Variants in CNOT9 observed in about 807,000 individuals in gnomAD.
The protein encoded by CNOT9 is CCR4-NOT transcription complex subunit 9.
In CNOT9, 8 loss-of-function variants were observed where a neutral mutation model predicts 37.4. That is an observed-to-expected ratio of 0.21 (90% CI 0.13 to 0.39). CNOT9 has a LOEUF of 0.39. Among genes scored for constraint, CNOT9 ranks in the 10% least tolerant of loss-of-function variants. The pLI is 1.00. For synonymous variants in CNOT9, 120 were observed against 137.6 expected, an observed-to-expected ratio of 0.87 and a Z score of 0.90; for missense variants, 154 against 365.3, an observed-to-expected ratio of 0.42 and a Z score of 4.71.
At chr2:218,570,945 C>T (rs1012938164) in intron 1 of CNOT9, among the ~76,000 whole-genome samples, 5 of 152,202 alleles carry the variant, frequency 3.3e-5, no homozygotes, top group Non-Finnish European at 7.3e-5. Flanking sequence ...ACCACTCATT[C>T]ACTAGGTTAT....
chr2:218,569,046 C>T lies in CNOT9; in HGVS notation c.24+68C>T, dbSNP rs1693841410. 4 of 1,565,068 alleles carry T rather than the reference C, an allele frequency of 2.6e-6. No homozygotes were observed. The South Asian group carries it at 4.5e-5, about 18-fold the overall frequency. ...CAGACCCACGTTTCGGCCTTCTCTC[C>T]TAATTCCCGGTGTCGGGTCCCTAGT... On this transcript the variant is annotated intron_variant, in intron 1 of 7. Coordinates refer to ENST00000273064, the MANE Select transcript of CNOT9 (RefSeq NM_005444.3).
At chr2:218,585,220 C>CT (rs1271426317) in intron 4 of CNOT9, among the ~76,000 whole-genome samples, 4 of 117,644 alleles carry the variant, frequency 3.4e-5, no homozygotes, top group South Asian at 3.3e-4. Context: ...ACACCACTGT[C>CT]TTTTTTTGTT....
Position 218,568,881 on chromosome 2 carries a change from G to T in CNOT9, c.-74G>T. 1 of 1,534,282 alleles carries T rather than the reference G, an allele frequency of 6.5e-7. No individual in the cohort carries two copies. Among genetic ancestry groups the T allele is most frequent in the Non-Finnish European group, 8.8e-7 (1 of 1,132,150 alleles). ...CGGCTACGGCGGCTCATTGTTTTCC[G>T]CTGCAGGGGTGCTGAAGGGGGGACG... On this transcript the variant is annotated 5_prime_UTR_variant, in exon 1 of 8. Coordinates refer to ENST00000273064, the MANE Select transcript of CNOT9 (RefSeq NM_005444.3).
chr2:218,572,800 T>C (rs1694041617), intron 1 of CNOT9: 1 of 516,112 alleles, frequency 1.9e-6, no homozygotes, highest in African/African-American at 2.1e-5. Flanking sequence ...AACACTTGTC[T>C]TTCTCTCACT....
At chr2:218,570,908 C>T (rs1374122153) in intron 1 of CNOT9, among the ~76,000 whole-genome samples, 1 of 152,216 alleles carries the variant, frequency 6.6e-6, no homozygotes, top group South Asian at 2.1e-4. Context: ...GTTTGGACCT[C>T]GTAGCAGCTC....
Position 218,571,075 on chromosome 2 carries a change from A to G in CNOT9, c.24+2097A>G, listed in dbSNP as rs554796771. ...GTGGGTAAAGGGACAGTAATGATGC[A>G]TATCACTCACTGGAATTTGAGAAGC... On this transcript the variant is annotated intron_variant, in intron 1 of 7. Transcript: ENST00000273064. Among the ~76,000 whole-genome samples, 4 of 152,370 alleles carry G rather than the reference A, an allele frequency of 2.6e-5. No homozygotes were observed. The South Asian group carries it at 8.3e-4, about 32-fold the overall frequency.
intron 3 of CNOT9, 102 bp downstream of exon 3, chr2:218,583,188 A>T: frequency 1.9e-6 from 1 of 519,546 alleles, no homozygotes; most frequent in Non-Finnish European, 3.2e-6. Flanking sequence ...AGAGAGAGAG[A>T]ACGTTTGTGT....
Position 218,594,265 on chromosome 2 carries a change from C to T in CNOT9, c.889C>T (p.Pro297Ser). 6.2e-7 allele frequency: 1 copy of T among 1,610,094 alleles called. No individual in the cohort carries two copies. Among genetic ancestry groups the T allele is most frequent in the Non-Finnish European group, 8.5e-7 (1 of 1,177,874 alleles). The change falls in exon 8 of 8, where the codon CCC (proline) becomes TCC (serine). Residue 297 changes from proline (P) to serine (S), a missense_variant. Pro to Ser is a moderately conservative substitution (Grantham distance 74). Transcript: ENST00000273064. The stretch of plus-strand genomic sequence containing the variant: ...CACCGATCCCCGGGGTATCCCCCTG[C>T]CCCCTCAGTGATCCTTCCCTGTTCC... ...QVTDPRGIPL[P>S]PQ is the part of the protein sequence containing the mutation.
intron 1 of CNOT9, among the ~76,000 whole-genome samples, chr2:218,580,166 G>T (rs774045795): frequency 6.6e-6 from 1 of 151,628 alleles, no homozygotes; most frequent in Non-Finnish European, 1.5e-5. Context: ...ACGGGGTTTC[G>T]CCATGTTGGC....
At chr2:218,591,253 T>C (rs978681031) in intron 5 of CNOT9, among the ~76,000 whole-genome samples, 2 of 152,140 alleles carry the variant, frequency 1.3e-5, no homozygotes, top group Non-Finnish European at 2.9e-5. Context: ...AGAAAGAGTA[T>C]CATTATCGTG....
chr2:218,596,045 C>T lies in CNOT9; in HGVS notation c.*1769C>T, dbSNP rs551866048. The T allele has an allele frequency of 4.7e-4, 71 of 152,218 alleles. No homozygotes were observed. The highest frequency in any genetic ancestry group is 1.6e-3 in the African/African-American group (67 of 41,516). The allele number at this position is 152,218 out of a possible 1,614,324, so 9.4% of individuals were successfully genotyped here. On this transcript the variant is annotated 3_prime_UTR_variant, in exon 8 of 8. Coordinates refer to ENST00000273064, the MANE Select transcript of CNOT9 (RefSeq NM_005444.3). The stretch of plus-strand genomic sequence containing the variant: ...ATAGACATCTTGACTCTATTCAGCC[C>T]GTAGTCTGTGATCTGGAGAGTCCAG...
rs577915072 is a variant in CNOT9, at chr2:218,592,763, C to T, written c.731+56C>T. On this transcript the variant is annotated intron_variant, in intron 7 of 7. Transcript: ENST00000273064. This position sits in a 1 kb window ranked among gnomAD's most constrained non-coding sequence, Gnocchi z 4.1. ...GGGAAATACTCTGCTGAACAGTTTC[C>T]TAATCTCATGGCATAGCTCCTGTGT... 1 of 1,383,070 alleles carries T rather than the reference C, an allele frequency of 7.2e-7. No homozygotes were observed. Among genetic ancestry groups the T allele is most frequent in the African/African-American group, 1.4e-5 (1 of 70,582 alleles). 85.7% of individuals were successfully genotyped at this position (1,383,070 alleles called of 1,614,324 possible).
intron 1 of CNOT9, among the ~76,000 whole-genome samples, chr2:218,572,302 C>T (rs1220679506): frequency 6.6e-6 from 1 of 152,006 alleles, no homozygotes; most frequent in Non-Finnish European, 1.5e-5. Context: ...GCCTGGGAGA[C>T]AAGAGCAAGA....
intron 1 of CNOT9, among the ~76,000 whole-genome samples, chr2:218,580,296 A>T (rs376963821): frequency 6.6e-6 from 1 of 152,168 alleles, no homozygotes; most frequent in East Asian, 1.9e-4. Flanking sequence ...ACAGTGCAAC[A>T]GTAAACATCC....
At chr2:218,593,786 A>C in intron 7 of CNOT9, 1 of 1,205,616 alleles carries the variant, frequency 8.3e-7, no homozygotes, top group African/African-American at 1.5e-5. Flanking sequence ...GCCATAATCC[A>C]TATATTTCTA....
chr2:218,588,646 A>C, intron 5 of CNOT9, among the ~76,000 whole-genome samples: 1 of 112,276 alleles, frequency 8.9e-6, no homozygotes, highest in Non-Finnish European at 1.7e-5. Flanking sequence ...AGCTCGCTGC[A>C]ACCTCCACCT....
chr2:218,584,466 A>C (rs1276563968), intron 3 of CNOT9, 146 bp from the exon 4 acceptor site: 1 of 691,214 alleles, frequency 1.4e-6, no homozygotes, highest in Non-Finnish European at 2.6e-6. Context: ...ATTGGTTGAG[A>C]CTAATGACCA....
chr2:218,590,708 C>T (rs1235210372), intron 5 of CNOT9, among the ~76,000 whole-genome samples: 1 of 152,208 alleles, frequency 6.6e-6, no homozygotes, highest in African/African-American at 2.4e-5. Flanking sequence ...CCCCCTCCCT[C>T]TTCAGATCCA....
At chr2:218,581,184 T>A (rs1694364369) in intron 2 of CNOT9, 2 of 311,980 alleles carry the variant, frequency 6.4e-6, no homozygotes, top group Non-Finnish European at 1.3e-5. Context: ...TTTTTTTTTT[T>A]TTGAGACGGA....
Sources: gnomAD v4.1 joint callset for allele counts (sites outside exome capture counted in the v4.1 genomes callset) on GRCh38, gnomAD v4.1.1 for gene constraint, Gnocchi (gnomAD v3.1) non-coding constraint, MANE v1.5 for transcripts, NCBI Gene and HGNC (gene_info 2026-07-23, HGNC 2026-07-21) for gene names.